The following BMAL1 variants were observed in gnomAD, a reference collection of about 807,000 sequenced individuals.
BMAL1 encodes the protein basic helix-loop-helix ARNT like 1.
At chr11:13,277,340 C>T in the BMAL1 span, among the ~76,000 whole-genome samples, 3 of 152,020 alleles carry the variant, frequency 2.0e-5, no homozygotes, top group African/African-American at 4.8e-5. Context: ...AGAAGAGGGA[C>T]ATCCCGGGCG....
the BMAL1 span, among the ~76,000 whole-genome samples, chr11:13,318,064 A>G: frequency 6.6e-6 from 1 of 152,226 alleles, no homozygotes; most frequent in Non-Finnish European, 1.5e-5. Flanking sequence ...AGTGCGGAAG[A>G]GTGGTGGTCC....
the BMAL1 span, among the ~76,000 whole-genome samples, chr11:13,368,917 CTAA>C: frequency 1.3e-5 from 2 of 152,164 alleles, no homozygotes; most frequent in Non-Finnish European, 2.9e-5. Context: ...TTATAAACAA[CTAA>C]TAAGTTCGTT....
At chr11:13,313,566 C>T in the BMAL1 span, among the ~76,000 whole-genome samples, 30 of 152,178 alleles carry the variant, frequency 2.0e-4, no homozygotes, top group Admixed American at 3.9e-4. Context: ...CCTCATATTC[C>T]CTTGGTTACC....
At chr11:13,314,714 C>T in the BMAL1 span, among the ~76,000 whole-genome samples, 4 of 152,304 alleles carry the variant, frequency 2.6e-5, no homozygotes, top group South Asian at 4.1e-4. Flanking sequence ...TCTATTCTTG[C>T]GAACTACTGT....
the BMAL1 span, chr11:13,353,123 C>T: frequency 3.3e-5 from 5 of 152,316 alleles, no homozygotes; most frequent in African/African-American, 1.2e-4. Flanking sequence ...TAGAGGGGAC[C>T]ATATTTTCCT....
At chr11:13,376,674 C>G in the BMAL1 span, 1 of 1,614,100 alleles carries the variant, frequency 6.2e-7, no homozygotes, top group Non-Finnish European at 8.5e-7. Flanking sequence ...CCCAACCTTC[C>G]CACAGCTCAC....
the BMAL1 span, chr11:13,354,391 TTGGTACCAG>T: frequency 6.2e-7 from 1 of 1,614,204 alleles, no homozygotes; most frequent in Non-Finnish European, 8.5e-7. Context: ...TCCAGCTCTC[TTGGTACCAG>T]TGGTGTGGAT....
At chr11:13,352,898 C>T in the BMAL1 span, among the ~76,000 whole-genome samples, 1 of 152,244 alleles carries the variant, frequency 6.6e-6, no homozygotes, top group Non-Finnish European at 1.5e-5. Context: ...TGTAGGCAGG[C>T]ACCCTGCCCA....
chr11:13,367,228 C>T, the BMAL1 span, among the ~76,000 whole-genome samples: 1 of 152,264 alleles, frequency 6.6e-6, no homozygotes, highest in South Asian at 2.1e-4. Flanking sequence ...CAAAGTGTTC[C>T]TCCTTAGGTT....
chr11:13,351,310 CAG>C, the BMAL1 span, among the ~76,000 whole-genome samples: 1 of 152,120 alleles, frequency 6.6e-6, no homozygotes, highest in Non-Finnish European at 1.5e-5. Flanking sequence ...AGAAAGGAGT[CAG>C]GGTGGCTTCT....
At chr11:13,291,908 T>C in the BMAL1 span, among the ~76,000 whole-genome samples, 3 of 152,134 alleles carry the variant, frequency 2.0e-5, no homozygotes, top group African/African-American at 7.2e-5. Flanking sequence ...ACACGGAGTT[T>C]GTGTAATTTC....
the BMAL1 span, chr11:13,381,034 C>G: frequency 3.7e-6 from 3 of 813,168 alleles, no homozygotes; most frequent in Non-Finnish European, 6.0e-6. Context: ...TACTATCTGG[C>G]CCCTTACAGA....
chr11:13,295,648 G>A, the BMAL1 span, among the ~76,000 whole-genome samples: 1 of 152,160 alleles, frequency 6.6e-6, no homozygotes, highest in Non-Finnish European at 1.5e-5. Flanking sequence ...GGCTCTCTTG[G>A]TCACTCCAGT....
chr11:13,301,592 A>G, the BMAL1 span, among the ~76,000 whole-genome samples: 1 of 152,202 alleles, frequency 6.6e-6, no homozygotes, highest in Non-Finnish European at 1.5e-5. Context: ...ATTTGTCAAC[A>G]TCTTGAAGGA....
the BMAL1 span, among the ~76,000 whole-genome samples, chr11:13,306,349 A>G: frequency 6.6e-6 from 1 of 152,274 alleles, no homozygotes; most frequent in South Asian, 2.1e-4. Context: ...TGACAGTAGA[A>G]CTGCAGCAGA....
chr11:13,359,842 G>T, the BMAL1 span, among the ~76,000 whole-genome samples: 1 of 152,118 alleles, frequency 6.6e-6, no homozygotes, highest in Admixed American at 6.5e-5. Context: ...TGCCACGCTC[G>T]TTTAACTCAC....
chr11:13,300,950 T>C, the BMAL1 span, among the ~76,000 whole-genome samples: 1 of 152,216 alleles, frequency 6.6e-6, no homozygotes, highest in African/African-American at 2.4e-5. Flanking sequence ...GTTGTTGTTA[T>C]TGTTTTGAGA....
the BMAL1 span, among the ~76,000 whole-genome samples, chr11:13,326,085 C>G: frequency 1.3e-5 from 2 of 151,944 alleles, no homozygotes; most frequent in Non-Finnish European, 2.9e-5. Flanking sequence ...CGCCTGTAGT[C>G]CCAGCTACTC....
At chr11:13,304,243 G>T in the BMAL1 span, among the ~76,000 whole-genome samples, 1 of 152,176 alleles carries the variant, frequency 6.6e-6, no homozygotes, top group Non-Finnish European at 1.5e-5. Flanking sequence ...TGTTATCCAG[G>T]TATGTGACCA....
Sources: gnomAD v4.1 joint callset for allele counts (sites outside exome capture counted in the v4.1 genomes callset) on GRCh38, gnomAD v4.1.1 for gene constraint, MANE v1.5 for transcripts, NCBI Gene and HGNC (gene_info 2026-07-23, HGNC 2026-07-21) for gene names.